Variants in MACROD2 observed in about 807,000 individuals in gnomAD.
The protein encoded by MACROD2 is ADP-ribose glycohydrolase MACROD2.
In MACROD2, 36 loss-of-function variants were observed where a neutral mutation model predicts 70.4. The observed-to-expected ratio is 0.51, with a 90% confidence interval of 0.39 to 0.68. MACROD2 has a LOEUF of 0.68. Among genes scored for constraint, MACROD2 ranks in the 30% least tolerant of loss-of-function variants. The pLI is 0.00. For synonymous variants in MACROD2, 172 were observed against 178.8 expected (o/e 0.96, Z 0.30); for missense variants, 496 against 538.4 (o/e 0.92, Z 0.78).
At chr20:15,511,035 G>A (rs965757260) in intron 8 of MACROD2, among the ~76,000 whole-genome samples, 1 of 152,158 alleles carries the variant, frequency 6.6e-6, no homozygotes, top group Non-Finnish European at 1.5e-5. Context: ...TCCAGGTTAA[G>A]GGCCTCAGGC....
At chr20:14,028,712 A>G (rs995263725) in intron 2 of MACROD2, among the ~76,000 whole-genome samples, 1 of 152,088 alleles carries the variant, frequency 6.6e-6, no homozygotes, top group African/African-American at 2.4e-5. Context: ...GGGTGAGGTG[A>G]TGCCCCACCC....
intron 5 of MACROD2, among the ~76,000 whole-genome samples, chr20:15,045,665 T>G (rs1170302550): frequency 6.8e-6 from 1 of 146,946 alleles, no homozygotes; most frequent in Non-Finnish European, 1.5e-5. Flanking sequence ...AGATTTTTAA[T>G]CAAACAAATT....
At chr20:14,262,244 A>T (rs1031893948) in intron 3 of MACROD2, among the ~76,000 whole-genome samples, 14 of 152,186 alleles carry the variant, frequency 9.2e-5, no homozygotes. Context: ...TTTAAAAATA[A>T]TCTGGCAATA....
intron 10 of MACROD2, among the ~76,000 whole-genome samples, chr20:15,903,030 C>T (rs1446435177): frequency 6.6e-6 from 1 of 152,110 alleles, no homozygotes; most frequent in African/African-American, 2.4e-5. Flanking sequence ...ACCTGAAAAG[C>T]ATAAAGGGGT....
intron 6 of MACROD2, among the ~76,000 whole-genome samples, chr20:15,401,157 C>T (rs986710935): frequency 3.9e-5 from 6 of 152,118 alleles, no homozygotes; most frequent in Non-Finnish European, 7.4e-5. Flanking sequence ...CCTGCCTCAG[C>T]CTCCCGAGTA....
intron 10 of MACROD2, among the ~76,000 whole-genome samples, chr20:15,901,601 T>C (rs2065065508): frequency 6.6e-6 from 1 of 152,222 alleles, no homozygotes; most frequent in African/African-American, 2.4e-5. Context: ...TTAGGTGTAT[T>C]AAATGCATTT....
chr20:16,044,618 C>A lies in MACROD2; in HGVS notation c.1279C>A (p.Gln427Lys). The change falls in exon 17 of 18, where the codon CAA becomes AAA. Residue 427 changes from glutamine (Q) to lysine (K), a missense_variant. By Grantham distance (53) the Gln-to-Lys change is moderately conservative. Coordinates refer to ENST00000684519, the MANE Select transcript of MACROD2 (RefSeq NM_001351661.2). ...CAAGGTAAATGACCCAACAGAGAGTCAACAAGAAGATCAACTAATAGGTAA... is the reference window on the plus strand; with the variant it reads ...CAAGGTAAATGACCCAACAGAGAGTAAACAAGAAGATCAACTAATAGGTAA... The part of the protein sequence containing the change: ...VDKVNDPTES[Q>K]QEDQLIAGAQ... 6.2e-7 allele frequency: 1 copy of A among 1,612,052 alleles called. No individual in the cohort carries two copies. Among genetic ancestry groups the A allele is most frequent in the Non-Finnish European group, 8.5e-7 (1 of 1,179,092 alleles).
intron 3 of MACROD2, among the ~76,000 whole-genome samples, chr20:14,457,281 G>C (rs911698366): frequency 2.0e-5 from 3 of 151,944 alleles, no homozygotes; most frequent in Non-Finnish European, 2.9e-5. Flanking sequence ...AATGATGATC[G>C]CTTTATTAAT....
In MACROD2 at chr20:15,862,821, C is replaced by T; in HGVS notation, c.722C>T (p.Ser241Phe). Residue 241 changes from serine to phenylalanine, a missense_variant, in exon 9 of 18, where the codon TCC (serine) becomes TTC (phenylalanine). Physicochemically the swap from Ser to Phe is radical, Grantham distance 155 (BLOSUM62 -2). Transcript: ENST00000684519. ...AAAAAGAAAATGAATGAGTTTTTCT[C>T]CGTAGGTGAGTAAAGCAACTTCTTG... is the stretch of plus-strand genomic sequence containing the variant. ...IYKKKMNEFF[S>F]VDDNNEEEED... 3 of 1,607,468 alleles carry T rather than the reference C, an allele frequency of 1.9e-6. No individual in the cohort carries two copies. Among genetic ancestry groups the T allele is most frequent in the Non-Finnish European group, 2.6e-6 (3 of 1,176,066 alleles).
chr20:15,491,556 G>A (rs1383881922), intron 7 of MACROD2, among the ~76,000 whole-genome samples: 3 of 152,222 alleles, frequency 2.0e-5, no homozygotes, highest in South Asian at 2.1e-4. Context: ...TGCCACTGTG[G>A]GCAAGTGGAG....
At chr20:14,902,064 A>G (rs1360949886) in intron 5 of MACROD2, among the ~76,000 whole-genome samples, 1 of 152,200 alleles carries the variant, frequency 6.6e-6, no homozygotes, top group Non-Finnish European at 1.5e-5. Context: ...CAATAAATGG[A>G]ATAACTAACA....
chr20:15,285,207 T>C (rs1485825526), intron 6 of MACROD2, among the ~76,000 whole-genome samples: 1 of 152,218 alleles, frequency 6.6e-6, no homozygotes, highest in Non-Finnish European at 1.5e-5. Context: ...TATTTTATAT[T>C]TCTCTAAAGG....
intron 8 of MACROD2, among the ~76,000 whole-genome samples, chr20:15,849,411 A>C (rs563643243): frequency 1.3e-5 from 2 of 152,310 alleles, no homozygotes; most frequent in East Asian, 3.9e-4. Flanking sequence ...GTCAGATGCT[A>C]ATGGAAATGT....
chr20:14,381,424 A>G (rs1031466288), intron 3 of MACROD2, among the ~76,000 whole-genome samples: 1 of 152,196 alleles, frequency 6.6e-6, no homozygotes, highest in South Asian at 2.1e-4. Flanking sequence ...AAAAATTTCC[A>G]ATGAAAATAT....
At chr20:15,045,181 G>T (rs1311614278) in intron 5 of MACROD2, among the ~76,000 whole-genome samples, 1 of 152,180 alleles carries the variant, frequency 6.6e-6, no homozygotes, top group Non-Finnish European at 1.5e-5. Flanking sequence ...AGGAAGAATT[G>T]TCAGTAACAA....
At chr20:15,703,952 T>A (rs1025744229) in intron 8 of MACROD2, among the ~76,000 whole-genome samples, 27 of 152,204 alleles carry the variant, frequency 1.8e-4, no homozygotes, top group African/African-American at 5.8e-4. Flanking sequence ...GAAATCACAC[T>A]CTATTATTTC....
chr20:14,739,608 T>C (rs1275825631), intron 5 of MACROD2, among the ~76,000 whole-genome samples: 1 of 152,028 alleles, frequency 6.6e-6, no homozygotes, highest in African/African-American at 2.4e-5. Flanking sequence ...GTGGGATTTG[T>C]AGAAATGCAT....
chr20:15,768,964 T>C (rs1229160939), intron 8 of MACROD2, among the ~76,000 whole-genome samples: 2 of 150,104 alleles, frequency 1.3e-5, no homozygotes. Flanking sequence ...AGGGGTGATA[T>C]ACTCATGGAG....
At chr20:14,845,356 G>T (rs965895749) in intron 5 of MACROD2, among the ~76,000 whole-genome samples, 6 of 151,886 alleles carry the variant, frequency 4.0e-5, no homozygotes, top group Non-Finnish European at 5.9e-5. Flanking sequence ...ACAATGATAT[G>T]TTCTTCTGAT....
Sources: allele counts gnomAD v4.1 joint callset (sites outside exome capture counted in the v4.1 genomes callset), GRCh38; gene constraint gnomAD v4.1.1; transcripts MANE v1.5; gene names NCBI Gene and HGNC (gene_info 2026-07-23, HGNC 2026-07-21).